CALB2: variants seen among roughly 807,000 people sequenced by gnomAD.
CALB2 encodes calbindin 2.
A neutral mutation model predicts 45.9 loss-of-function variants in CALB2; 34 were observed. The ratio of observed to expected loss-of-function variants is 0.74; its 90% confidence interval spans 0.56 to 0.99. The LOEUF (loss-of-function observed/expected upper bound fraction) is 0.99, where lower values mean the gene tolerates loss of function less well. CALB2 is among the 50% of genes least tolerant of loss of function. CALB2 has a pLI of 0.00. For synonymous variants in CALB2, 142 were observed against 129.6 expected (o/e 1.10, Z -0.65); for missense variants, 344 against 339.3 (o/e 1.01, Z -0.11).
At chr16:71,383,527 T>C in intron 6 of CALB2, 83 bp downstream of exon 6, 1 of 1,224,798 alleles carries the variant, frequency 8.2e-7, no homozygotes, top group East Asian at 2.5e-5. Flanking sequence ...CAGGGTCCCT[T>C]GTTTGCTGAT....
Position 71,389,902 on chromosome 16 carries a change from C to A in CALB2, c.*37C>A. 3 of 1,464,708 alleles carry A rather than the reference C, an allele frequency of 2.0e-6. No homozygotes were observed. The highest frequency in any genetic ancestry group is 2.9e-6 in the Non-Finnish European group (3 of 1,047,980). The allele number at this position is 1,464,708 out of a possible 1,614,324, so 90.7% of individuals were successfully genotyped here. A position where few individuals can be genotyped will look rare whatever the true frequency, so the allele number is the denominator to read the frequency against. Reference sequence around the variant, plus strand: ...GGGCTGCTTCTCCACCTCCCCCAAACCCTGCTTCTGCTGCCCTGATGCGTC... The same window carrying A: ...GGGCTGCTTCTCCACCTCCCCCAAAACCTGCTTCTGCTGCCCTGATGCGTC... On this transcript the variant is annotated 3_prime_UTR_variant, in exon 11 of 11. Transcript: ENST00000302628.
intron 10 of CALB2, among the ~76,000 whole-genome samples, chr16:71,389,013 A>G (rs2042604990): frequency 6.7e-6 from 1 of 149,394 alleles, no homozygotes; most frequent in African/African-American, 2.5e-5. Flanking sequence ...AAAAAAAAAA[A>G]AAAAGCAGAC....
At chr16:71,366,744 A>G (rs761078333) in intron 1 of CALB2, among the ~76,000 whole-genome samples, 2 of 152,150 alleles carry the variant, frequency 1.3e-5, no homozygotes, top group African/African-American at 2.4e-5. Context: ...ATGGAAGGCA[A>G]TATTTGTTCC....
intron 1 of CALB2, among the ~76,000 whole-genome samples, chr16:71,370,273 C>A (rs900355928): frequency 1.3e-5 from 2 of 152,194 alleles, no homozygotes; most frequent in Non-Finnish European, 1.5e-5. Context: ...CCCCCACAAC[C>A]CCTCACAGAG....
At chr16:71,374,015 A>G (rs1207769967) in intron 2 of CALB2, among the ~76,000 whole-genome samples, 1 of 152,238 alleles carries the variant, frequency 6.6e-6, no homozygotes, top group African/African-American at 2.4e-5. Flanking sequence ...TCAGCCGTGC[A>G]AGGTGGGCTC....
chr16:71,363,437 G>T (rs1274979056), intron 1 of CALB2, among the ~76,000 whole-genome samples: 3 of 152,140 alleles, frequency 2.0e-5, no homozygotes, highest in Non-Finnish European at 4.4e-5. Context: ...GCCACAAAGG[G>T]CTGAGGATGG....
intron 4 of CALB2, among the ~76,000 whole-genome samples, chr16:71,382,102 A>G: frequency 7.3e-6 from 1 of 137,546 alleles, no homozygotes; most frequent in Admixed American, 7.4e-5. Flanking sequence ...GAAAGGAAGG[A>G]AGGAAGGGAA....
chr16:71,378,560 A>AG (rs535699428), intron 4 of CALB2, among the ~76,000 whole-genome samples: 1 of 152,134 alleles, frequency 6.6e-6, no homozygotes, highest in Non-Finnish European at 1.5e-5. Flanking sequence ...CAAAAACAAA[A>AG]AAAAGGTAGA....
intron 1 of CALB2, among the ~76,000 whole-genome samples, chr16:71,368,848 T>C (rs1355821740): frequency 6.6e-6 from 1 of 152,196 alleles, no homozygotes; most frequent in African/African-American, 2.4e-5. Context: ...CCTTCAGCAC[T>C]TTCCTGCTGG....
At position 71,383,395 on chromosome 16, in the gene CALB2, C is replaced by A; in HGVS notation, c.428C>A (p.Ala143Glu). ...KGFLSDLLKK[A>E]NRPYDEPKLQ... ...TTCCTGTCAGACCTGCTGAAGAAGG[C>A]GAACCGGCCGTACGATGAGCCCAAG... The change falls in exon 6 of 11, where the codon GCG becomes GAG. Residue 143 changes from alanine (A) to glutamate (E), a missense_variant. By Grantham distance (107) the Ala-to-Glu change is moderately radical (BLOSUM62 -1). Around this residue, in one of 3 missense-constraint regions of CALB2, gnomAD observed 263 missense variants for 241.7 expected, o/e 1.09. Transcript: ENST00000302628. The A allele has an allele frequency of 6.2e-7, 1 of 1,614,058 alleles. No individual in the cohort carries two copies. Among genetic ancestry groups the A allele is most frequent in the Non-Finnish European group, 8.5e-7 (1 of 1,179,986 alleles).
At chr16:71,385,980 C>T (rs1421527488) in intron 10 of CALB2, among the ~76,000 whole-genome samples, 6 of 152,148 alleles carry the variant, frequency 3.9e-5, no homozygotes, top group African/African-American at 1.2e-4. Flanking sequence ...GCGCCAAAAC[C>T]TGTACCCATT....
chr16:71,390,029 G>T lies in CALB2; in HGVS notation c.*164G>T. On this transcript the variant is annotated 3_prime_UTR_variant, in exon 11 of 11. Transcript: ENST00000302628. ...GAGAGATAGAGGATGGGCAGCTGGG[G>T]GGCTGTCCTGAGCCCCCTGCACCCA... 1 of 603,442 alleles carries T rather than the reference G, an allele frequency of 1.7e-6. No homozygotes were observed. The highest frequency in any genetic ancestry group is 3.0e-6 in the Non-Finnish European group (1 of 337,560). 37.4% of individuals were successfully genotyped at this position (603,442 alleles called of 1,614,324 possible).
intron 10 of CALB2, among the ~76,000 whole-genome samples, chr16:71,388,624 GC>G (rs1307238775): frequency 6.6e-6 from 1 of 152,106 alleles, no homozygotes; most frequent in Non-Finnish European, 1.5e-5. Flanking sequence ...AACACAAGAA[GC>G]CAGTGAACAA....
chr16:71,388,346 A>AAAAAAGAAAAAG (rs1555527411), intron 10 of CALB2, among the ~76,000 whole-genome samples: 2 of 137,072 alleles, frequency 1.5e-5, no homozygotes, highest in African/African-American at 5.3e-5. Context: ...AAAAAAAAAA[A>AAAAAAGAAAAAG]AAAAAGAAAA....
At chr16:71,381,406 T>C (rs1318258968) in intron 4 of CALB2, among the ~76,000 whole-genome samples, 2 of 104,478 alleles carry the variant, frequency 1.9e-5, no homozygotes, top group African/African-American at 7.8e-5. Context: ...TCCTGTCTTG[T>C]GACAAAAAAA....
intron 2 of CALB2, 123 bp from the exon 3 acceptor site, chr16:71,374,600 ACAGCTCTGATCAATCAGAGCAT>A (rs2144973418): frequency 1.7e-6 from 1 of 585,658 alleles, no homozygotes; most frequent in East Asian, 3.0e-5. Flanking sequence ...GGAAAACAAC[ACAGCTCTGATCAATCAGAGCAT>A]CAGCACAACT....
rs2042473510 is a variant in CALB2, at chr16:71,380,287, CTTTTCTTTT to C, written c.343-2427_343-2419del. Among the ~76,000 whole-genome samples the C allele has an allele frequency of 1.8e-4, 16 of 87,114 alleles. 1 individual carries two copies. Among genetic ancestry groups the C allele is most frequent in the South Asian group, 1.7e-3 (5 of 2,946 alleles). 57.2% of individuals were successfully genotyped at this position (87,114 alleles called of 152,430 possible). ...CTTTTCTTTCTTTCTTCTTTCCTTC[CTTTTCTTTT>C]TTTTTTTTTTTTTTTTTTTTTTTTT... is the stretch of plus-strand genomic sequence containing the variant. On this transcript the variant is annotated intron_variant, in intron 4 of 10. Coordinates refer to ENST00000302628, the MANE Select transcript of CALB2 (RefSeq NM_001740.5).
chr16:71,377,594 C>G, intron 3 of CALB2, 73 bp from the exon 4 acceptor site: 1 of 1,071,388 alleles, frequency 9.3e-7, no homozygotes, highest in South Asian at 1.3e-5. Context: ...TTCCATCCTT[C>G]TTAGGGGAAA....
intron 4 of CALB2, among the ~76,000 whole-genome samples, chr16:71,380,279 TTTCC>T (rs1410575193): frequency 2.0e-5 from 3 of 146,800 alleles, no homozygotes; most frequent in African/African-American, 5.0e-5. Context: ...TTCTTTCTTC[TTTCC>T]TTCCTTTTCT....
Sources: gnomAD v4.1 joint callset for allele counts (sites outside exome capture counted in the v4.1 genomes callset) on GRCh38, gnomAD v4.1.1 for gene constraint, gnomAD v4.1.1 regional missense constraint, MANE v1.5 for transcripts, NCBI Gene and HGNC (gene_info 2026-07-23, HGNC 2026-07-21) for gene names.